Variants in FPR1 observed in about 807,000 individuals in gnomAD.
The protein encoded by FPR1 is N-formyl peptide receptor 1.
For synonymous variants in FPR1, 193 were observed against 176.7 expected, an observed-to-expected ratio of 1.09 and a Z score of -0.73; for missense variants, 407 against 453.0, an observed-to-expected ratio of 0.90 and a Z score of 0.92.
chr19:51,749,361 G>T (rs140279785), intron 1 of FPR1, among the ~76,000 whole-genome samples: 1 of 152,124 alleles, frequency 6.6e-6, no homozygotes, highest in Non-Finnish European at 1.5e-5. Context: ...AAATGGATCC[G>T]TGAGTGATAC....
chr19:51,745,746 G>A (rs867229), downstream of FPR1: 86,555 of 532,714 alleles, frequency 0.16, 10,452 homozygotes, highest in African/African-American at 0.45. Flanking sequence ...CAAGGCTGAG[G>A]TCCAAAATCA....
chr19:51,748,712 C>G (rs1375282294), intron 1 of FPR1, among the ~76,000 whole-genome samples: 4 of 152,150 alleles, frequency 2.6e-5, no homozygotes, highest in African/African-American at 9.7e-5. Flanking sequence ...CTGCCCGCCT[C>G]GGCGTCCCAA....
rs1392560071 is a variant in FPR1, at chr19:51,746,143, A to G, written c.852T>C (p.Asp284=). 6.2e-7 allele frequency: 1 copy of G among 1,614,202 alleles called. No homozygotes were observed. Among genetic ancestry groups the G allele is most frequent in the Non-Finnish European group, 8.5e-7 (1 of 1,180,048 alleles). The change falls in exon 2 of 2, where the codon GAT becomes GAC. Residue 284 remains aspartate, a synonymous_variant. Coordinates refer to ENST00000304748, the MANE Select transcript of FPR1 (RefSeq NM_002029.4). The surrounding 1 kb of genome is among the most constrained non-coding windows in gnomAD (Gnocchi z 4.3). ...GMYKEIGIAV[D]VTSALAFFNS... ...TGAAGAAGGCCAGGGCACTTGTCAC[A>G]TCCACTGCAATACCAATTTCTTTGT... is the stretch of plus-strand genomic sequence containing the variant.
chr19:51,750,970 G>A (rs533023788), intron 1 of FPR1, among the ~76,000 whole-genome samples: 5 of 152,266 alleles, frequency 3.3e-5, no homozygotes, highest in Non-Finnish European at 5.9e-5. Context: ...GTGTCTTCAC[G>A]TGGAGACTCA....
At chr19:51,748,146 C>T (rs1174674413) in intron 1 of FPR1, among the ~76,000 whole-genome samples, 1 of 151,772 alleles carries the variant, frequency 6.6e-6, no homozygotes, top group Non-Finnish European at 1.5e-5. Flanking sequence ...AAAGCAAGAC[C>T]CTGTCTCTAA....
intron 1 of FPR1, among the ~76,000 whole-genome samples, chr19:51,747,980 C>T (rs887961428): frequency 6.6e-6 from 1 of 151,984 alleles, no homozygotes; most frequent in African/African-American, 2.4e-5. Context: ...TCTCTAACAA[C>T]AACAACAACA....
rs1176427712 is a variant in FPR1, at chr19:51,746,267, A to T, written c.728T>A (p.Leu243His). ...AAAAAAGGCTGCTGCGACAAAGGAG[A>T]GGACCCGTAAGGGACGACTGGACTT... is the stretch of plus-strand genomic sequence containing the variant. ...LIKSSRPLRV[L>H]SFVAAAFFLC... The change falls in exon 2 of 2, where the codon CTC becomes CAC. Residue 243 changes from leucine to histidine, a missense_variant. Leu to His is a moderately conservative substitution (Grantham distance 99). Transcript: ENST00000304748. This position sits in a 1 kb window ranked among gnomAD's most constrained non-coding sequence, Gnocchi z 4.3. 6.2e-7 allele frequency: 1 copy of T among 1,614,162 alleles called. No individual in the cohort carries two copies. The highest frequency in any genetic ancestry group is 8.5e-7 in the Non-Finnish European group (1 of 1,180,044).
At chr19:51,749,843 T>C (rs537875321) in intron 1 of FPR1, among the ~76,000 whole-genome samples, 1 of 151,932 alleles carries the variant, frequency 6.6e-6, no homozygotes, top group Non-Finnish European at 1.5e-5. Context: ...TCTTTTTAAT[T>C]GTATTTTAGT....
rs746295140 is a variant in FPR1, at chr19:51,745,891, G to C, written c.*51C>G. On this transcript the variant is annotated 3_prime_UTR_variant, in exon 2 of 2. Coordinates refer to ENST00000304748, the MANE Select transcript of FPR1 (RefSeq NM_002029.4). ...ATGCCTGTGGCTCAGCCTAACTCAA[G>C]GTGAGACGAAGCTGGAGCTGGGAGC... 2 of 1,487,534 alleles carry C rather than the reference G, an allele frequency of 1.3e-6. No individual in the cohort carries two copies. Among genetic ancestry groups the C allele is most frequent in the Non-Finnish European group, 1.9e-6 (2 of 1,075,608 alleles). The allele number at this position is 1,487,534 out of a possible 1,614,324, so 92.1% of individuals were successfully genotyped here. A position where few individuals can be genotyped will look rare whatever the true frequency, so the allele number is the denominator to read the frequency against.
At chr19:51,745,615 G>C, downstream of FPR1, 1 of 254,534 alleles carries the variant, frequency 3.9e-6, no homozygotes. Context: ...ATGCCAGAAT[G>C]ATGGGTATCA....
intron 1 of FPR1, among the ~76,000 whole-genome samples, chr19:51,750,406 C>T (rs1048295885): frequency 2.0e-5 from 3 of 152,122 alleles, no homozygotes; most frequent in East Asian, 1.9e-4. Context: ...AAATTAAGTT[C>T]GCATGTTTCT....
chr19:51,749,069 G>A (rs1462012323), intron 1 of FPR1, among the ~76,000 whole-genome samples: 1 of 152,088 alleles, frequency 6.6e-6, no homozygotes. Flanking sequence ...ACAAAAATTA[G>A]CCAGGCATGG....
chr19:51,747,084 C>T, intron 1 of FPR1, 79 bp from the exon 2 acceptor site: 3 of 1,077,348 alleles, frequency 2.8e-6, no homozygotes, highest in Non-Finnish European at 4.0e-6. Context: ...CTGCCCCTGC[C>T]AGTTTTCCCA....
chr19:51,745,521 T>C (rs907387489), downstream of FPR1: 5 of 179,418 alleles, frequency 2.8e-5, no homozygotes, highest in African/African-American at 1.2e-4. Context: ...TTCTCCCTCC[T>C]CCTTCATTTA....
chr19:51,746,167 G>A lies in FPR1; in HGVS notation c.828C>T (p.Tyr276=). 1.9e-6 allele frequency: 3 copies of A among 1,614,186 alleles called. No individual in the cohort carries two copies. Among genetic ancestry groups the A allele is most frequent in the Non-Finnish European group, 2.5e-6 (3 of 1,180,036 alleles). The change falls in exon 2 of 2, where the codon TAC becomes TAT. Residue 276 remains tyrosine, a synonymous_variant. Coordinates refer to ENST00000304748, the MANE Select transcript of FPR1 (RefSeq NM_002029.4). The surrounding 1 kb of genome is among the most constrained non-coding windows in gnomAD (Gnocchi z 4.3). The part of the protein sequence containing the change: ...VRIRELLQGM[Y]KEIGIAVDVT... ...CATCCACTGCAATACCAATTTCTTT[G>A]TACATGCCTTGCAATAACTCACGGA...
chr19:51,751,000 CT>C (rs1202773883), intron 1 of FPR1, among the ~76,000 whole-genome samples: 1 of 152,176 alleles, frequency 6.6e-6, no homozygotes, highest in African/African-American at 2.4e-5. Context: ...CGAAAGGTGA[CT>C]GCTTCTGTAT....
intron 1 of FPR1, among the ~76,000 whole-genome samples, 185 bp from the exon 2 acceptor site, chr19:51,747,190 C>T (rs2083753672): frequency 6.6e-6 from 1 of 150,440 alleles, no homozygotes; most frequent in Admixed American, 6.6e-5. Context: ...CATTGGCAAT[C>T]TTTTATTGTA....
intron 1 of FPR1, among the ~76,000 whole-genome samples, chr19:51,748,725 T>G (rs1010126425): frequency 2.6e-5 from 4 of 152,144 alleles, no homozygotes; most frequent in African/African-American, 9.7e-5. Context: ...CGTCCCAAAG[T>G]GCTGAGATTA....
At chr19:51,747,639 T>A (rs12980168) in intron 1 of FPR1, among the ~76,000 whole-genome samples, 40,250 of 151,892 alleles carry the variant, frequency 0.26, 5,509 homozygotes, top group Middle Eastern at 0.32. Flanking sequence ...GCCAAAGATG[T>A]ATAGAGAAAA....
Sources: gnomAD v4.1 joint callset for allele counts (sites outside exome capture counted in the v4.1 genomes callset) on GRCh38, gnomAD v4.1.1 for gene constraint, Gnocchi (gnomAD v3.1) non-coding constraint, MANE v1.5 for transcripts, NCBI Gene and HGNC (gene_info 2026-07-23, HGNC 2026-07-21) for gene names.